CCDC91: variants seen among roughly 807,000 people sequenced by gnomAD.
The protein encoded by CCDC91 is coiled-coil domain-containing protein 91.
Under a neutral mutation model 63.2 loss-of-function variants are expected in CCDC91, and 48 were observed. The observed-to-expected ratio is 0.76, with a 90% CI of 0.60 to 0.97. The LOEUF (loss-of-function observed/expected upper bound fraction) is 0.97. Ranked by LOEUF, CCDC91 falls within the 50% of genes least tolerant of loss-of-function variation. The pLI, the probability that CCDC91 is intolerant of heterozygous loss-of-function variation, is 0.00. For missense variants in CCDC91, 500 were observed against 494.6 expected (o/e 1.01, Z -0.10); for synonymous variants, 167 against 165.8 (o/e 1.01, Z -0.06).
chr12:28,237,781 A>G (rs1043242923), intron 1 of CCDC91, among the ~76,000 whole-genome samples: 1 of 152,222 alleles, frequency 6.6e-6, no homozygotes, highest in African/African-American at 2.4e-5. Flanking sequence ...ATGTGTGAAT[A>G]TACATTTTTG....
chr12:28,510,473 A>G (rs1156429171), intron 12 of CCDC91, among the ~76,000 whole-genome samples: 5 of 151,910 alleles, frequency 3.3e-5, no homozygotes, highest in Non-Finnish European at 5.9e-5. Context: ...AAGACCAGAA[A>G]AGATCAGTGT....
chr12:28,307,010 A>C, intron 5 of CCDC91, 65 bp downstream of exon 5: 1 of 1,097,138 alleles, frequency 9.1e-7, no homozygotes, highest in Non-Finnish European at 1.3e-6. Context: ...ATAATCTCAA[A>C]CTCTGATTAA....
At chr12:28,284,390 T>C (rs192684961) in intron 3 of CCDC91, among the ~76,000 whole-genome samples, 53 of 152,230 alleles carry the variant, frequency 3.5e-4, no homozygotes, top group South Asian at 1.2e-3. Flanking sequence ...TAGTGGCTCA[T>C]GCCTGTAATC....
intron 3 of CCDC91, among the ~76,000 whole-genome samples, chr12:28,270,522 A>G (rs1482291616): frequency 6.6e-6 from 1 of 152,148 alleles, no homozygotes; most frequent in Non-Finnish European, 1.5e-5. Flanking sequence ...AGTTATGTAA[A>G]TCAACTGTTA....
intron 12 of CCDC91, among the ~76,000 whole-genome samples, chr12:28,527,550 T>C (rs950543126): frequency 1.1e-4 from 16 of 152,276 alleles, no homozygotes; most frequent in African/African-American, 3.9e-4. Context: ...CTTTGGTTGA[T>C]TAGTGTGCTA....
chr12:28,502,528 A>G (rs1248732778), intron 12 of CCDC91, among the ~76,000 whole-genome samples: 2 of 150,306 alleles, frequency 1.3e-5, no homozygotes, highest in Non-Finnish European at 3.0e-5. Context: ...TATAGATTCA[A>G]TGCCATCCCC....
intron 6 of CCDC91, among the ~76,000 whole-genome samples, chr12:28,355,880 G>C (rs921687394): frequency 6.6e-6 from 1 of 152,094 alleles, no homozygotes; most frequent in African/African-American, 2.4e-5. Flanking sequence ...ATTAAAATTA[G>C]TCTTTTGAGA....
chr12:28,506,813 G>C (rs1429949295), intron 12 of CCDC91, among the ~76,000 whole-genome samples: 1 of 151,284 alleles, frequency 6.6e-6, no homozygotes, highest in Non-Finnish European at 1.5e-5. Flanking sequence ...TGACAGAGCT[G>C]TGTATTAGCA....
At chr12:28,411,873 C>T (rs1011466032) in intron 8 of CCDC91, among the ~76,000 whole-genome samples, 6 of 152,122 alleles carry the variant, frequency 3.9e-5, no homozygotes, top group Admixed American at 2.0e-4. Context: ...GCAGGTCCTT[C>T]AGGAGGTATT....
chr12:28,508,998 G>T (rs1336053059), intron 12 of CCDC91, among the ~76,000 whole-genome samples: 2 of 151,926 alleles, frequency 1.3e-5, no homozygotes, highest in African/African-American at 4.8e-5. Context: ...CCATCATTCT[G>T]TTAGGCCAGT....
chr12:28,210,746 G>A (rs1190351342), intron 1 of CCDC91, among the ~76,000 whole-genome samples: 4 of 151,990 alleles, frequency 2.6e-5, no homozygotes, highest in Non-Finnish European at 4.4e-5. Context: ...AAGATGATTT[G>A]TGGAGGGTAA....
At chr12:28,344,580 T>A (rs1281220854) in intron 6 of CCDC91, among the ~76,000 whole-genome samples, 1 of 152,148 alleles carries the variant, frequency 6.6e-6, no homozygotes, top group African/African-American at 2.4e-5. Context: ...TTTATTATCC[T>A]CCCAGTTGTC....
chr12:28,319,551 T>C, intron 6 of CCDC91: 1 of 173,664 alleles, frequency 5.8e-6, no homozygotes, highest in Non-Finnish European at 1.2e-5. Flanking sequence ...CCATAAATGC[T>C]CAAGTCCCTG....
chr12:28,262,739 T>C (rs1002769883), intron 3 of CCDC91, among the ~76,000 whole-genome samples: 6 of 152,146 alleles, frequency 3.9e-5, no homozygotes, highest in African/African-American at 1.2e-4. Context: ...TAAGTTATGA[T>C]ATCTAACCTG....
chr12:28,319,985 A>G (rs1940314264), intron 6 of CCDC91, among the ~76,000 whole-genome samples: 1 of 151,842 alleles, frequency 6.6e-6, no homozygotes, highest in African/African-American at 2.4e-5. Context: ...GAGAGATTCC[A>G]GGCTGTATGC....
chr12:28,269,903 A>C (rs1004485063), intron 3 of CCDC91, among the ~76,000 whole-genome samples: 4 of 152,078 alleles, frequency 2.6e-5, no homozygotes, highest in African/African-American at 9.7e-5. Context: ...TGCCTAATCA[A>C]AGTTTTTTTT....
chr12:28,537,375 G>GAAAA (rs1304993509), intron 12 of CCDC91, among the ~76,000 whole-genome samples: 1,747 of 152,160 alleles, frequency 0.011, 29 homozygotes, highest in African/African-American at 0.04. Flanking sequence ...TCCATTGGTT[G>GAAAA]TTTTCCAGTC....
intron 12 of CCDC91, among the ~76,000 whole-genome samples, chr12:28,544,973 A>G (rs898139646): frequency 6.6e-6 from 1 of 152,064 alleles, no homozygotes; most frequent in Admixed American, 6.6e-5. Context: ...AAAGGCTTTC[A>G]GCAGTTATAC....
At chr12:28,325,512 A>T (rs1055079741) in intron 6 of CCDC91, among the ~76,000 whole-genome samples, 21 of 152,042 alleles carry the variant, frequency 1.4e-4, no homozygotes, top group Admixed American at 6.6e-4. Context: ...TTAATTATAA[A>T]GTAGAAAGTG....
Sources: allele counts gnomAD v4.1 joint callset (sites outside exome capture counted in the v4.1 genomes callset), GRCh38; gene constraint gnomAD v4.1.1; transcripts MANE v1.5; gene names NCBI Gene and HGNC (gene_info 2026-07-23, HGNC 2026-07-21).